The following DYNC2I2 variants were observed in gnomAD, a reference collection of about 807,000 sequenced individuals.
DYNC2I2 encodes the protein dynein 2 intermediate chain 2.
A neutral mutation model predicts 52.0 loss-of-function variants in DYNC2I2; 39 were observed. That is an observed-to-expected ratio of 0.75 (90% CI 0.58 to 0.98). DYNC2I2 has a LOEUF of 0.98. DYNC2I2 is among the 50% of genes least tolerant of loss of function. The pLI is 0.00. For missense variants in DYNC2I2, 743 were observed against 728.4 expected (o/e 1.02, Z -0.23); for synonymous variants, 359 against 321.1 (o/e 1.12, Z -1.26).
At chr9:128,678,087 G>T in the DYNC2I2 span, among the ~76,000 whole-genome samples, 715 of 101,140 alleles carry the variant, frequency 7.1e-3, 5 homozygotes, top group African/African-American at 0.025. Context: ...TTTTTTTTTT[G>T]GGACAGAGTT....
chr9:128,637,261 G>A (rs146963552), intron 2 of DYNC2I2, among the ~76,000 whole-genome samples: 36 of 152,316 alleles, frequency 2.4e-4, no homozygotes, highest in African/African-American at 7.7e-4. Context: ...CGCCCAGAGG[G>A]GTGGCTGCCC....
chr9:128,641,059 G>T, intron 1 of DYNC2I2, 120 bp from the exon 2 acceptor site: 1 of 1,420,844 alleles, frequency 7.0e-7, no homozygotes, highest in Non-Finnish European at 9.2e-7. Flanking sequence ...CAGGCTAGGG[G>T]CCTCTCTCAG....
At chr9:128,654,970 TG>T (rs1860788152) in intron 1 of DYNC2I2, among the ~76,000 whole-genome samples, 1 of 152,076 alleles carries the variant, frequency 6.6e-6, no homozygotes, top group South Asian at 2.1e-4. Context: ...CCGTTGCCAC[TG>T]CCCCATGTAA....
At chr9:128,646,401 G>A (rs890606424) in intron 1 of DYNC2I2, among the ~76,000 whole-genome samples, 1 of 152,136 alleles carries the variant, frequency 6.6e-6, no homozygotes, top group Non-Finnish European at 1.5e-5. Flanking sequence ...TAGAGACGGG[G>A]ATTCACCATG....
chr9:128,636,684 G>A (rs1004715243), intron 3 of DYNC2I2, among the ~76,000 whole-genome samples: 5 of 152,176 alleles, frequency 3.3e-5, no homozygotes, highest in Non-Finnish European at 7.4e-5. Context: ...TGGTGGGGCG[G>A]GCGAGGCAGG....
rs752793349 is a variant in DYNC2I2 at position 128,656,683 on chromosome 9, C to A, written c.44G>T (p.Ser15Ile). The A allele has an allele frequency of 2.7e-5, 41 of 1,498,358 alleles. No homozygotes were observed. The highest frequency in any genetic ancestry group is 7.4e-5 in the Admixed American group (3 of 40,762). The allele number at this position is 1,498,358 out of a possible 1,614,324, so 92.8% of individuals were successfully genotyped here. A position where few individuals can be genotyped will look rare whatever the true frequency, so the allele number is the denominator to read the frequency against. Residue 15 changes from serine (S) to isoleucine (I), a missense_variant, in exon 1 of 9, where the codon AGC becomes ATC. Physicochemically the swap from Ser to Ile is moderately radical, Grantham distance 142 (BLOSUM62 -2). Transcript: ENST00000372715. ...TGTCGCCAGCGCCGCAACACCAGCG[C>A]TTCCCGCCTGGCTGAGTGGCCCCGG... The part of the protein sequence containing the change: ...AQPGPLSQAG[S>I]AGVAALATVG...
chr9:128,671,506 A>C, the DYNC2I2 span, among the ~76,000 whole-genome samples: 1 of 140,446 alleles, frequency 7.1e-6, no homozygotes, highest in East Asian at 2.1e-4. Flanking sequence ...ACGGAGTCTC[A>C]CTCTGTCTCC....
the DYNC2I2 span, among the ~76,000 whole-genome samples, chr9:128,671,128 T>A: frequency 6.7e-6 from 1 of 149,372 alleles, no homozygotes; most frequent in Non-Finnish European, 1.5e-5. Context: ...AGTAGCATCA[T>A]CAGTCAAGAA....
At position 128,636,408 on chromosome 9, in the gene DYNC2I2, C is replaced by T. The variant is rs1485853978; in HGVS notation, c.576G>A (p.Lys192=). 6.2e-7 allele frequency: 1 copy of T among 1,609,320 alleles called. No individual in the cohort carries two copies. Among genetic ancestry groups the T allele is most frequent in the Non-Finnish European group, 8.5e-7 (1 of 1,178,980 alleles). ...CCAGGTTCCAGGCACACACGAAGGA[C>T]TTAAGCGTGCTCCAGTCCCCATGGT... The part of the protein sequence containing the change: ...RLDHGDWSTL[K]SFVCAWNLDR... Residue 192 remains lysine (K), a synonymous_variant, in exon 4 of 9, where the codon AAG becomes AAA. Coordinates refer to ENST00000372715, the MANE Select transcript of DYNC2I2 (RefSeq NM_052844.4).
At chr9:128,673,770 T>C in the DYNC2I2 span, among the ~76,000 whole-genome samples, 1 of 151,332 alleles carries the variant, frequency 6.6e-6, no homozygotes, top group African/African-American at 2.4e-5. Flanking sequence ...CCTCCCAAAG[T>C]GCTAGGATTA....
chr9:128,634,838 T>G lies in DYNC2I2; in HGVS notation c.1065A>C (p.Glu355Asp), dbSNP rs1456831966. The G allele has an allele frequency of 6.2e-7, 1 of 1,613,516 alleles. No individual in the cohort carries two copies. The highest frequency in any genetic ancestry group is 8.5e-7 in the Non-Finnish European group (1 of 1,179,936). The change falls in exon 7 of 9, where the codon GAA becomes GAC. Residue 355 changes from glutamate to aspartate, a missense_variant. Transcript: ENST00000372715. Reference protein sequence around the residue: ...FDPRLFILGTEGGFPLKCSLA... With the variant: ...FDPRLFILGTDGGFPLKCSLA... ...GGGAACACTTGAGCGGGAAGCCGCC[T>G]TCCGTGCCCAGAATGAACAGCCTAG...
In DYNC2I2 at chr9:128,656,845, G is replaced by T. The variant is rs752586060; in HGVS notation, c.-119C>A. ...GCGCCATGTTTGAATTGGTCGCAGCGCCTCCTGCAAGACCTGGAAGAAAGA... is the reference window on the plus strand; with the variant it reads ...GCGCCATGTTTGAATTGGTCGCAGCTCCTCCTGCAAGACCTGGAAGAAAGA... On this transcript the variant is annotated 5_prime_UTR_variant, in exon 1 of 9. Coordinates refer to ENST00000372715, the MANE Select transcript of DYNC2I2 (RefSeq NM_052844.4). 7 of 1,040,418 alleles carry T rather than the reference G, an allele frequency of 6.7e-6. No homozygotes were observed. Among genetic ancestry groups the T allele is most frequent in the Non-Finnish European group, 8.9e-6 (7 of 784,264 alleles). The allele number at this position is 1,040,418 out of a possible 1,614,324, so 64.4% of individuals were successfully genotyped here. A position where few individuals can be genotyped will look rare whatever the true frequency, so the allele number is the denominator to read the frequency against.
chr9:128,679,576 G>A, the DYNC2I2 span, among the ~76,000 whole-genome samples: 2 of 152,002 alleles, frequency 1.3e-5, no homozygotes, highest in Non-Finnish European at 2.9e-5. Context: ...CCATCCTCCT[G>A]CCTCAGCCTC....
In DYNC2I2 at chr9:128,634,195, A is replaced by C. The variant is rs774134155; in HGVS notation, c.1372+31T>G. 5.6e-6 allele frequency: 9 copies of C among 1,612,226 alleles called. No homozygotes were observed. In the South Asian group the frequency reaches 9.9e-5, roughly 18 times the overall value. On this transcript the variant is annotated intron_variant, in intron 8 of 8. Transcript: ENST00000372715. Reference sequence around the variant, plus strand: ...CAGGGCCCAGACCACCCACCCCTTAAACAGATCCAGGCCTAGCGGCCCCTT... The same window carrying C: ...CAGGGCCCAGACCACCCACCCCTTACACAGATCCAGGCCTAGCGGCCCCTT...
At position 128,656,700 on chromosome 9, in the gene DYNC2I2, T is replaced by A. The variant is rs1308704876; in HGVS notation, c.27A>T (p.Pro9=). The A allele has an allele frequency of 6.9e-6, 10 of 1,455,196 alleles. No individual in the cohort carries two copies. In the African/African-American group the frequency reaches 1.2e-4, roughly 17 times the overall value. 90.1% of individuals were successfully genotyped at this position (1,455,196 alleles called of 1,614,324 possible). ...CACCAGCGCTTCCCGCCTGGCTGAGTGGCCCCGGCTGCGCGCGGGTTGCCA... is the reference window on the plus strand; with the variant it reads ...CACCAGCGCTTCCCGCCTGGCTGAGAGGCCCCGGCTGCGCGCGGGTTGCCA... The part of the protein sequence containing the change: MATRAQPG[P]LSQAGSAGVA... Residue 9 remains proline (P), a synonymous_variant, in exon 1 of 9, where the codon CCA becomes CCT. Transcript: ENST00000372715.
the DYNC2I2 span, among the ~76,000 whole-genome samples, chr9:128,671,652 T>C: frequency 6.6e-6 from 1 of 151,180 alleles, no homozygotes; most frequent in African/African-American, 2.4e-5. Flanking sequence ...TTTGTTATTT[T>C]TTATTTATTT....
At chr9:128,636,711 A>G (rs776879267) in intron 3 of DYNC2I2, among the ~76,000 whole-genome samples, 2 of 152,152 alleles carry the variant, frequency 1.3e-5, no homozygotes, top group African/African-American at 4.8e-5. Context: ...CAGGGCCTCC[A>G]GGCAGGGGGG....
chr9:128,660,918 C>CG (rs1162097133), upstream of DYNC2I2, among the ~76,000 whole-genome samples: 1 of 150,784 alleles, frequency 6.6e-6, no homozygotes, highest in Non-Finnish European at 1.5e-5. Flanking sequence ...TTAGTAGAGA[C>CG]GGGGTTTCAC....
intron 1 of DYNC2I2, among the ~76,000 whole-genome samples, chr9:128,652,504 T>A (rs1444177763): frequency 6.7e-6 from 1 of 148,698 alleles, no homozygotes; most frequent in East Asian, 2.0e-4. Context: ...ACACCTGTAC[T>A]CCTAGGTACT....
Sources: allele counts gnomAD v4.1 joint callset (sites outside exome capture counted in the v4.1 genomes callset), GRCh38; gene constraint gnomAD v4.1.1; transcripts MANE v1.5; gene names NCBI Gene and HGNC (gene_info 2026-07-23, HGNC 2026-07-21).